The following NEBL variants were observed in gnomAD, a reference collection of about 807,000 sequenced individuals.
NEBL encodes the protein LIM and SH3 protein 2.
Under a neutral mutation model 140.2 loss-of-function variants are expected in NEBL, and 122 were observed. The ratio of observed to expected loss-of-function variants is 0.87; its 90% CI spans 0.75 to 1.01. The LOEUF (loss-of-function observed/expected upper bound fraction) is 1.01. NEBL is among the 50% of genes least tolerant of loss of function. The pLI, the probability that NEBL is intolerant of heterozygous loss-of-function variation, is 0.00. For synonymous variants in NEBL, 436 were observed against 398.9 expected, an observed-to-expected ratio of 1.09 and a Z score of -1.11; for missense variants, 1,365 against 1,231.3, an observed-to-expected ratio of 1.11 and a Z score of -1.62.
chr10:20,839,854 T>C (rs1299951444), intron 13 of NEBL, among the ~76,000 whole-genome samples: 5 of 152,174 alleles, frequency 3.3e-5, no homozygotes, highest in Non-Finnish European at 5.9e-5. Context: ...TTACTGGCCA[T>C]AGATATGAGT....
intron 3 of NEBL, among the ~76,000 whole-genome samples, chr10:21,207,364 C>T (rs766803826): frequency 2.6e-5 from 4 of 152,130 alleles, no homozygotes; most frequent in Non-Finnish European, 5.9e-5. Context: ...GACTTTCAGT[C>T]ATAAGGAAGT....
intron 5 of NEBL, among the ~76,000 whole-genome samples, chr10:20,872,164 C>T (rs559276680): frequency 6.6e-6 from 1 of 152,182 alleles, no homozygotes; most frequent in Admixed American, 6.5e-5. Flanking sequence ...CTAATGACTG[C>T]GTGAAGAGAG....
chr10:20,868,625 C>G, intron 7 of NEBL, 39 bp downstream of exon 7: 2 of 1,333,624 alleles, frequency 1.5e-6, no homozygotes, highest in Non-Finnish European at 2.2e-6. Context: ...AACAAAATAT[C>G]TGAATAAAGT....
intron 1 of NEBL, among the ~76,000 whole-genome samples, chr10:21,267,682 T>C (rs1842812663): frequency 6.6e-6 from 1 of 152,222 alleles, no homozygotes; most frequent in South Asian, 2.1e-4. Flanking sequence ...GGATTTATGA[T>C]CTAAAACTGC....
At chr10:21,258,744 T>C (rs1334853728) in intron 1 of NEBL, among the ~76,000 whole-genome samples, 1 of 151,898 alleles carries the variant, frequency 6.6e-6, no homozygotes, top group Non-Finnish European at 1.5e-5. Context: ...CCAGGTGTGG[T>C]GACAGGCGCC....
intron 3 of NEBL, among the ~76,000 whole-genome samples, chr10:21,219,952 T>C (rs1842044292): frequency 6.6e-6 from 1 of 151,896 alleles, no homozygotes; most frequent in South Asian, 2.1e-4. Flanking sequence ...ATTGCTTTGT[T>C]GCCCAGGCTG....
intron 4 of NEBL, among the ~76,000 whole-genome samples, chr10:20,914,983 TGGA>T (rs1409571955): frequency 6.7e-6 from 1 of 149,140 alleles, no homozygotes; most frequent in African/African-American, 2.5e-5. Flanking sequence ...TTTTTTTTTT[TGGA>T]GAGATGGGGT....
At chr10:20,848,382 T>C (rs1471901316) in intron 11 of NEBL, among the ~76,000 whole-genome samples, 1 of 152,198 alleles carries the variant, frequency 6.6e-6, no homozygotes, top group Non-Finnish European at 1.5e-5. Flanking sequence ...AACAAATAAC[T>C]AATTTAATCA....
intron 2 of NEBL, among the ~76,000 whole-genome samples, chr10:21,087,321 GATGAGCCTGGC>G (rs1306777142): frequency 6.6e-6 from 1 of 152,138 alleles, no homozygotes; most frequent in African/African-American, 2.4e-5. Flanking sequence ...ATTTGTGTGA[GATGAGCCTGGC>G]TTGTTAGGGT....
At chr10:21,204,114 G>A (rs1411596664) in intron 3 of NEBL, among the ~76,000 whole-genome samples, 1 of 152,174 alleles carries the variant, frequency 6.6e-6, no homozygotes. Context: ...AATGTCAGTA[G>A]GGGTCTTCAA....
rs1842219049 is a variant in NEBL, at chr10:21,229,712, T to C, written n.348+18209A>G. ...GGATATATCCAACTGAATAAAGATGTCGACAGGAGCAGATGGGCCTAGCTT... is the reference window on the plus strand; with the variant it reads ...GGATATATCCAACTGAATAAAGATGCCGACAGGAGCAGATGGGCCTAGCTT... On this transcript the variant is annotated intron_variant and non_coding_transcript_variant, in intron 3 of 8. Transcript: ENST00000675702. Among the ~76,000 whole-genome samples, 3 of 152,294 alleles carry C rather than the reference T, an allele frequency of 2.0e-5. No homozygotes were observed. In the South Asian group the frequency reaches 6.2e-4, roughly 32 times the overall value.
intron 2 of NEBL, among the ~76,000 whole-genome samples, chr10:21,112,048 T>C (rs1264581087): frequency 6.6e-6 from 1 of 152,206 alleles, no homozygotes; most frequent in Non-Finnish European, 1.5e-5. Context: ...AGATACCATC[T>C]CACGCCAGTT....
chr10:20,961,664 G>GC, intron 4 of NEBL: 2 of 1,575,004 alleles, frequency 1.3e-6, no homozygotes, highest in Non-Finnish European at 1.7e-6. Context: ...GAATAAACAG[G>GC]CACCTACATT....
At chr10:21,129,923 T>C (rs1839022499) in intron 2 of NEBL, among the ~76,000 whole-genome samples, 1 of 152,064 alleles carries the variant, frequency 6.6e-6, no homozygotes, top group Admixed American at 6.6e-5. Context: ...ACATCAGTGA[T>C]CTAAATGCAC....
At chr10:20,963,840 G>A (rs1279023885) in intron 3 of NEBL, among the ~76,000 whole-genome samples, 1 of 152,200 alleles carries the variant, frequency 6.6e-6, no homozygotes, top group Admixed American at 6.5e-5. Flanking sequence ...GGCTTGCAGA[G>A]TGTTGCAGGA....
Position 21,193,922 on chromosome 10 carries a change from A to G in NEBL, n.349-21445T>C, listed in dbSNP as rs532168450. Among the ~76,000 whole-genome samples, 44 of 152,334 alleles carry G rather than the reference A, an allele frequency of 2.9e-4. 2 individuals carry two copies. The South Asian group carries it at 8.9e-3, about 31-fold the overall frequency. On this transcript the variant is annotated intron_variant and non_coding_transcript_variant, in intron 3 of 8. Transcript: ENST00000675702. The stretch of plus-strand genomic sequence containing the variant: ...AATTCAAAGATAAAATACTATCATG[A>G]TATTTCTCCCATTGAAGAATGTAGC...
chr10:20,802,926 G>A (rs935720535), intron 26 of NEBL, among the ~76,000 whole-genome samples: 18 of 152,056 alleles, frequency 1.2e-4, no homozygotes, highest in Non-Finnish European at 1.3e-4. Context: ...CTTGTTCTGC[G>A]CCATTCTTAT....
intron 2 of NEBL, chr10:21,112,820 C>T (rs1838091958): frequency 9.4e-6 from 2 of 213,386 alleles, no homozygotes; most frequent in South Asian, 1.8e-4. Flanking sequence ...TGAAATTACA[C>T]CACCCAGTCT....
At chr10:21,153,344 G>A (rs1382977041) in intron 2 of NEBL, among the ~76,000 whole-genome samples, 1 of 150,648 alleles carries the variant, frequency 6.6e-6, no homozygotes, top group Non-Finnish European at 1.5e-5. Context: ...TTTTTAAGAT[G>A]GAGTTTTGCT....
Sources: gnomAD v4.1 joint callset for allele counts (sites outside exome capture counted in the v4.1 genomes callset) on GRCh38, gnomAD v4.1.1 for gene constraint, MANE v1.5 for transcripts, NCBI Gene and HGNC (gene_info 2026-07-23, HGNC 2026-07-21) for gene names.